CCDC39: variants seen among roughly 807,000 people sequenced by gnomAD.
CCDC39 encodes coiled-coil domain-containing protein 39.
A neutral mutation model predicts 121.0 loss-of-function variants in CCDC39; 113 were observed. The observed-to-expected ratio is 0.93, with a 90% confidence interval of 0.80 to 1.09. The LOEUF is 1.09. Among genes scored for constraint, CCDC39 ranks in the 50% least tolerant of loss-of-function variants. CCDC39 has a pLI of 0.00. For missense variants in CCDC39, 1,063 were observed against 1,074.7 expected (o/e 0.99, Z 0.15); for synonymous variants, 349 against 352.2 (o/e 0.99, Z 0.10).
Position 180,650,287 on chromosome 3 carries a change from T to C in CCDC39, c.1167+1114A>G, listed in dbSNP as rs146623861. On this transcript the variant is annotated intron_variant, in intron 9 of 19. Transcript: ENST00000476379. ...GGTGCCAGTAGAATTAGCAAAGTTA[T>C]AGCATTTCAAAGCCCATTTACCAAA... Among the ~76,000 whole-genome samples the C allele has an allele frequency of 4.1e-4, 63 of 152,272 alleles. No homozygotes were observed. The East Asian group carries it at 0.01, about 25-fold the overall frequency.
chr3:180,631,663 T>G (rs1208945840), intron 13 of CCDC39, 71 bp from the exon 14 acceptor site: 3 of 1,313,378 alleles, frequency 2.3e-6, no homozygotes, highest in Non-Finnish European at 3.1e-6. Context: ...TCAAGTGTTC[T>G]TATTGAAGAC....
intron 9 of CCDC39, among the ~76,000 whole-genome samples, chr3:180,649,234 A>G (rs1389812575): frequency 6.6e-6 from 1 of 152,138 alleles, no homozygotes; most frequent in African/African-American, 2.4e-5. Context: ...AGCTCTAGGA[A>G]ATAGAAATGA....
intron 7 of CCDC39, among the ~76,000 whole-genome samples, chr3:180,654,353 AG>A (rs1176226500): frequency 6.6e-6 from 1 of 151,874 alleles, no homozygotes; most frequent in Non-Finnish European, 1.5e-5. Flanking sequence ...AAGAAAACAC[AG>A]GAGAAAAGCT....
At chr3:180,629,693 A>G (rs1717649963) in intron 14 of CCDC39, among the ~76,000 whole-genome samples, 1 of 152,210 alleles carries the variant, frequency 6.6e-6, no homozygotes, top group Admixed American at 6.5e-5. Context: ...TAAACATGCT[A>G]TACAACAACA....
chr3:180,655,702 G>A (rs545793374), intron 6 of CCDC39, among the ~76,000 whole-genome samples: 1 of 152,108 alleles, frequency 6.6e-6, no homozygotes, highest in Non-Finnish European at 1.5e-5. Flanking sequence ...ATATTAAGAA[G>A]GGTTGGGGTC....
intron 13 of CCDC39, among the ~76,000 whole-genome samples, chr3:180,631,853 A>G (rs545411050): frequency 2.0e-4 from 31 of 152,314 alleles, no homozygotes; most frequent in African/African-American, 7.5e-4. Flanking sequence ...AGGATCTGAT[A>G]TTTACCCTAC....
Position 180,659,507 on chromosome 3 carries a change from T to C in CCDC39, c.683A>G (p.Glu228Gly). 6.2e-7 allele frequency: 1 copy of C among 1,613,562 alleles called. No homozygotes were observed. The highest frequency in any genetic ancestry group is 8.5e-7 in the Non-Finnish European group (1 of 1,179,684). The change falls in exon 6 of 20, where the codon GAG (glutamate) becomes GGG (glycine). Residue 228 changes from glutamate (E) to glycine (G), a missense_variant. Coordinates refer to ENST00000476379, the MANE Select transcript of CCDC39 (RefSeq NM_181426.2). ...CTTCTGCATCTGTTCTATTGTGTTC[T>C]CCCATTGTTTAATGAGTTCTTGTCT... Reference protein sequence around the residue: ...NERQELIKQWENTIEQMQKRD... With the variant: ...NERQELIKQWGNTIEQMQKRD...
chr3:180,666,362 G>T (rs1331212658), intron 1 of CCDC39, among the ~76,000 whole-genome samples: 1 of 152,128 alleles, frequency 6.6e-6, no homozygotes, highest in Non-Finnish European at 1.5e-5. Flanking sequence ...TAAGGTGTAT[G>T]TTATCTATTC....
rs758167891 is a variant in CCDC39, at chr3:180,631,533, A to T, written c.1934T>A (p.Leu645Gln). 12 of 1,609,122 alleles carry T rather than the reference A, an allele frequency of 7.5e-6. No individual in the cohort carries two copies. The Admixed American group carries it at 1.7e-4, about 22-fold the overall frequency. ...IEKLKNRYEI[L>Q]TVVMLPPEGE... ...TTCAGGAGGCAGCATAACAACAGTC[A>T]GAATTTCATATCTATTCTTCAGCTT... Residue 645 changes from leucine to glutamine, a missense_variant, in exon 14 of 20, where the codon CTG becomes CAG. By Grantham distance (113) the Leu-to-Gln change is moderately radical. Transcript: ENST00000476379.
intron 2 of CCDC39, 76 bp from the exon 3 acceptor site, chr3:180,662,083 T>C: frequency 1.4e-6 from 2 of 1,383,180 alleles, no homozygotes; most frequent in Non-Finnish European, 2.0e-6. Context: ...TAATAATCCA[T>C]TAGATTAAAA....
intron 14 of CCDC39, among the ~76,000 whole-genome samples, chr3:180,623,075 A>ATTT (rs568674756): frequency 1.6e-5 from 2 of 122,520 alleles, no homozygotes; most frequent in African/African-American, 3.6e-5. Context: ...TTGTTTGGAG[A>ATTT]TTTTTATTAT....
intron 9 of CCDC39, among the ~76,000 whole-genome samples, chr3:180,650,459 CTATTTGTATGCAA>C (rs1046246275): frequency 6.6e-6 from 1 of 152,096 alleles, no homozygotes; most frequent in Non-Finnish European, 1.5e-5. Context: ...ACTTTTTGAA[CTATTTGTATGCAA>C]TATACAAATA....
At position 180,615,031 on chromosome 3, in the gene CCDC39, C is replaced by T. The variant is rs1441439851; in HGVS notation, c.2716G>A (p.Val906Ile). 7.7e-6 allele frequency: 12 copies of T among 1,556,530 alleles called. No homozygotes were observed. The highest frequency in any genetic ancestry group is 1.0e-5 in the Non-Finnish European group (12 of 1,149,546). Residue 906 changes from valine to isoleucine, a missense_variant, in exon 20 of 20, where the codon GTA becomes ATA. Physicochemically the swap from Val to Ile is conservative, Grantham distance 29. Coordinates refer to ENST00000476379, the MANE Select transcript of CCDC39 (RefSeq NM_181426.2). The part of the protein sequence containing the change: ...STSTSQSSIK[V>I]LELKFPASSS... ...GAGGCCGGGAATTTAAGCTCCAGTA[C>T]TTTAATTGAAGACTGAGAAGTAGAT...
chr3:180,622,237 T>C (rs1717448006), intron 14 of CCDC39, among the ~76,000 whole-genome samples: 4 of 152,158 alleles, frequency 2.6e-5, no homozygotes, highest in Non-Finnish European at 5.9e-5. Flanking sequence ...TGTTTAGAAA[T>C]GCTATGGATT....
At chr3:180,666,993 G>A (rs190931080) in intron 1 of CCDC39, among the ~76,000 whole-genome samples, 4 of 151,852 alleles carry the variant, frequency 2.6e-5, no homozygotes, top group East Asian at 1.9e-4. Flanking sequence ...TATAGTTGCC[G>A]AAATAAAACA....
intron 7 of CCDC39, among the ~76,000 whole-genome samples, chr3:180,653,802 C>T (rs1405041930): frequency 2.0e-5 from 3 of 152,064 alleles, no homozygotes; most frequent in African/African-American, 7.2e-5. Flanking sequence ...GTGTAGGTCC[C>T]TTATATAAAA....
chr3:180,655,776 T>C (rs1336950222), intron 6 of CCDC39, among the ~76,000 whole-genome samples: 1 of 152,116 alleles, frequency 6.6e-6, no homozygotes, highest in Non-Finnish European at 1.5e-5. Context: ...AATTCAAATG[T>C]CATGTTAAAG....
At chr3:180,660,489 C>A in intron 4 of CCDC39, 81 bp downstream of exon 4, 1 of 1,256,218 alleles carries the variant, frequency 8.0e-7, no homozygotes, top group Non-Finnish European at 1.1e-6. Flanking sequence ...CCTTAAAAAT[C>A]CTAAGTATAA....
intron 13 of CCDC39, among the ~76,000 whole-genome samples, chr3:180,631,802 T>C (rs559930220): frequency 6.6e-6 from 1 of 152,310 alleles, no homozygotes; most frequent in African/African-American, 2.4e-5. Context: ...CTCAAACAGA[T>C]TAAATTTGTT....
Sources: allele counts gnomAD v4.1 joint callset (sites outside exome capture counted in the v4.1 genomes callset), GRCh38; gene constraint gnomAD v4.1.1; transcripts MANE v1.5; gene names NCBI Gene and HGNC (gene_info 2026-07-23, HGNC 2026-07-21).